METTL15: variants seen among roughly 807,000 people sequenced by gnomAD.
METTL15 encodes the protein methyltransferase 15, mitochondrial 12S rRNA N4-cytidine, also known as 12S rRNA N(4)-cytidine methyltransferase METTL15.
Under a neutral mutation model 38.3 loss-of-function variants are expected in METTL15, and 34 were observed. That is an observed-to-expected ratio of 0.89 (90% CI 0.68 to 1.18). The LOEUF is 1.18. Among genes scored for constraint, METTL15 ranks in the 50% most tolerant of loss-of-function variants. The probability of loss-of-function intolerance (pLI) is 0.00; values close to 1 mark genes in which losing one functional copy is unlikely to be tolerated. For synonymous variants in METTL15, 162 were observed against 170.9 expected (o/e 0.95, Z 0.41); for missense variants, 438 against 498.4 (o/e 0.88, Z 1.15).
At chr11:28,461,412 G>T (rs1245565382) in intron 6 of METTL15, among the ~76,000 whole-genome samples, 1 of 152,038 alleles carries the variant, frequency 6.6e-6, no homozygotes, top group Non-Finnish European at 1.5e-5. Flanking sequence ...CTAAGAAATT[G>T]CATCCTTGTC....
intron 6 of METTL15, among the ~76,000 whole-genome samples, chr11:28,445,258 G>C (rs1851065741): frequency 6.6e-6 from 1 of 152,142 alleles, no homozygotes; most frequent in African/African-American, 2.4e-5. Flanking sequence ...AAACTTGTAA[G>C]AATAGTGCAA....
At chr11:28,466,311 T>A (rs1396740837) in intron 6 of METTL15, among the ~76,000 whole-genome samples, 1 of 152,228 alleles carries the variant, frequency 6.6e-6, no homozygotes, top group African/African-American at 2.4e-5. Context: ...AGATATATAA[T>A]AGGTTTCCAC....
chr11:28,242,481 A>G (rs780100445), intron 4 of METTL15, among the ~76,000 whole-genome samples: 1 of 152,230 alleles, frequency 6.6e-6, no homozygotes, highest in Non-Finnish European at 1.5e-5. Flanking sequence ...AGAGAACATC[A>G]TTCCTAGAAT....
chr11:28,300,116 G>A (rs1856862186), intron 6 of METTL15, among the ~76,000 whole-genome samples: 1 of 152,034 alleles, frequency 6.6e-6, no homozygotes, highest in African/African-American at 2.4e-5. Flanking sequence ...ATTGTGCTAC[G>A]TAGACATGAA....
chr11:28,501,524 A>T (rs2133491088), intron 6 of METTL15, among the ~76,000 whole-genome samples: 1 of 152,328 alleles, frequency 6.6e-6, no homozygotes, highest in Middle Eastern at 3.4e-3. Flanking sequence ...CATTAAATAA[A>T]AGTGGTTCTG....
intron 6 of METTL15, among the ~76,000 whole-genome samples, chr11:28,434,157 T>G (rs376119657): frequency 6.6e-6 from 1 of 152,150 alleles, no homozygotes; most frequent in East Asian, 1.9e-4. Flanking sequence ...GATAGTGAGT[T>G]AGTTCTCACG....
At position 28,367,537 on chromosome 11, in the gene METTL15, A is replaced by G. The variant is rs532151179; in HGVS notation, c.*358+5501A>G. Among the ~76,000 whole-genome samples the G allele has an allele frequency of 2.0e-5, 3 of 152,316 alleles. No individual in the cohort carries two copies. The South Asian group carries it at 6.2e-4, about 32-fold the overall frequency. Reference sequence around the variant, plus strand: ...TCCATGCTCATGGATAGTAATATACAGATTCAATGTTATCCCCATCAAGCT... The same window carrying G: ...TCCATGCTCATGGATAGTAATATACGGATTCAATGTTATCCCCATCAAGCT... On this transcript the variant is annotated intron_variant and NMD_transcript_variant, in intron 5 of 7. Transcript: ENST00000532947.
chr11:28,228,164 T>G (rs1186898665), intron 4 of METTL15, among the ~76,000 whole-genome samples: 1 of 151,886 alleles, frequency 6.6e-6, no homozygotes, highest in African/African-American at 2.4e-5. Flanking sequence ...GGTAATTACC[T>G]TTTTCTCAGA....
chr11:28,150,903 T>C (rs1280113347), intron 3 of METTL15, among the ~76,000 whole-genome samples: 1 of 149,798 alleles, frequency 6.7e-6, no homozygotes, highest in East Asian at 2.0e-4. Context: ...GGAATAGATG[T>C]AAGCACTCTT....
At chr11:28,144,608 A>G (rs1281094724) in intron 3 of METTL15, among the ~76,000 whole-genome samples, 1 of 152,014 alleles carries the variant, frequency 6.6e-6, no homozygotes, top group Non-Finnish European at 1.5e-5. Context: ...TTGAATGACC[A>G]GGGTTTAGAT....
chr11:28,459,068 TCTAA>T (rs1337311544), intron 6 of METTL15, among the ~76,000 whole-genome samples: 3 of 152,200 alleles, frequency 2.0e-5, no homozygotes, highest in Non-Finnish European at 4.4e-5. Context: ...GCTCTTTATC[TCTAA>T]CTTTTTCTTC....
intron 4 of METTL15, among the ~76,000 whole-genome samples, chr11:28,289,372 A>G (rs1856417861): frequency 6.6e-6 from 1 of 152,174 alleles, no homozygotes; most frequent in African/African-American, 2.4e-5. Flanking sequence ...CATGTAAGTA[A>G]ATATCATTAA....
chr11:28,481,844 G>A (rs1306117813), intron 6 of METTL15, among the ~76,000 whole-genome samples: 3 of 152,136 alleles, frequency 2.0e-5, no homozygotes, highest in East Asian at 3.9e-4. Flanking sequence ...ATAATTTTCT[G>A]TTATTGGCGA....
chr11:28,385,144 T>A (rs1196966783), intron 5 of METTL15, among the ~76,000 whole-genome samples: 1 of 152,206 alleles, frequency 6.6e-6, no homozygotes, highest in Non-Finnish European at 1.5e-5. Context: ...GCTCTTTAGT[T>A]TAATTAGAAG....
chr11:28,225,083 G>A (rs986158930), intron 4 of METTL15, among the ~76,000 whole-genome samples: 1 of 151,626 alleles, frequency 6.6e-6, no homozygotes, highest in African/African-American at 2.4e-5. Context: ...ATCATGTAAG[G>A]TGATAAAGTA....
chr11:28,426,591 T>G (rs1160004927), intron 6 of METTL15, among the ~76,000 whole-genome samples: 1 of 118,668 alleles, frequency 8.4e-6, no homozygotes, highest in Non-Finnish European at 1.7e-5. Context: ...TCTGTTTTTT[T>G]TTTTTTTTTT....
chr11:28,304,398 G>A (rs957946470), intron 6 of METTL15, among the ~76,000 whole-genome samples: 1 of 152,056 alleles, frequency 6.6e-6, no homozygotes, highest in African/African-American at 2.4e-5. Flanking sequence ...AATCCAGAGA[G>A]AACCTTCAAA....
intron 6 of METTL15, among the ~76,000 whole-genome samples, chr11:28,511,922 T>C (rs920464089): frequency 6.6e-6 from 1 of 151,772 alleles, no homozygotes; most frequent in Non-Finnish European, 1.5e-5. Context: ...AGAGCGGGAG[T>C]GGTCTGTTTT....
downstream of METTL15, among the ~76,000 whole-genome samples, chr11:28,334,212 T>C (rs892331042): frequency 2.0e-5 from 3 of 152,036 alleles, no homozygotes; most frequent in Non-Finnish European, 4.4e-5. Flanking sequence ...TCTGTTCACA[T>C]TGGTATGTAA....
Sources: allele counts gnomAD v4.1 joint callset (sites outside exome capture counted in the v4.1 genomes callset), GRCh38; gene constraint gnomAD v4.1.1; transcripts MANE v1.5; gene names NCBI Gene and HGNC (gene_info 2026-07-23, HGNC 2026-07-21).